AATF: variants seen among roughly 807,000 people sequenced by gnomAD.
AATF encodes apoptosis antagonizing transcription factor, also known as protein AATF.
A neutral mutation model predicts 63.7 loss-of-function variants in AATF; 48 were observed. The observed-to-expected ratio is 0.75, with a 90% CI of 0.60 to 0.96. The LOEUF (loss-of-function observed/expected upper bound fraction) is 0.96. Among genes scored for constraint, AATF ranks in the 40% least tolerant of loss-of-function variants. The pLI is 0.00. For synonymous variants in AATF, 258 were observed against 247.7 expected (o/e 1.04, Z -0.39); for missense variants, 639 against 685.7 (o/e 0.93, Z 0.76).
chr17:37,055,324 T>C (rs1160848919), intron 11 of AATF: 5 of 152,158 alleles, frequency 3.3e-5, no homozygotes, highest in African/African-American at 1.2e-4. Context: ...CCTTAAGATG[T>C]TTTTCTTTTG....
Position 37,031,627 on chromosome 17 carries a change from A to G in AATF, c.1561A>G (p.Ser521Gly), listed in dbSNP as rs779776437. Residue 521 changes from serine to glycine, a missense_variant, in exon 11 of 12, where the codon AGC becomes GGC. Coordinates refer to ENST00000619387, the MANE Select transcript of AATF (RefSeq NM_012138.4). Reference sequence around the variant, plus strand: ...TGCTTTATTTAGGTTTCATGTCCTTAGCAAGCTACTGAGTTTCATGGCACC... The same window carrying G: ...TGCTTTATTTAGGTTTCATGTCCTTGGCAAGCTACTGAGTTTCATGGCACC... ...KGRKLRFHVL[S>G]KLLSFMAPID... 6.2e-7 allele frequency: 1 copy of G among 1,614,160 alleles called. No homozygotes were observed. Among genetic ancestry groups the G allele is most frequent in the Non-Finnish European group, 8.5e-7 (1 of 1,179,986 alleles).
At chr17:37,001,035 C>A (rs1286876700) in intron 8 of AATF, among the ~76,000 whole-genome samples, 1 of 151,956 alleles carries the variant, frequency 6.6e-6, no homozygotes, top group Non-Finnish European at 1.5e-5. Flanking sequence ...GAAGAAATTA[C>A]AGGCTGTGCA....
chr17:37,043,555 G>A (rs560830156), intron 11 of AATF, among the ~76,000 whole-genome samples: 1 of 152,230 alleles, frequency 6.6e-6, no homozygotes, highest in African/African-American at 2.4e-5. Context: ...TGCTAAGTAT[G>A]TTAACTTAAA....
At chr17:37,030,945 T>A (rs1310086631) in intron 10 of AATF, among the ~76,000 whole-genome samples, 1 of 152,246 alleles carries the variant, frequency 6.6e-6, no homozygotes, top group Non-Finnish European at 1.5e-5. Context: ...GTCTTTAGTC[T>A]GGAATAATGT....
At chr17:37,036,186 C>T (rs895484555) in intron 11 of AATF, among the ~76,000 whole-genome samples, 2 of 152,236 alleles carry the variant, frequency 1.3e-5, no homozygotes, top group Non-Finnish European at 2.9e-5. Flanking sequence ...AGTTTACCCA[C>T]ATCTGGAAGT....
rs754797227 is a variant in AATF, at chr17:37,053,736, C to T, written c.1620-2865C>T. On this transcript the variant is annotated intron_variant, in intron 11 of 11. Coordinates refer to ENST00000619387, the MANE Select transcript of AATF (RefSeq NM_012138.4). ...AAAAAATTAGCCGGGCGTGGTGGTGCGCACCTGCAGTCCCAATTACTTGGA... is the reference window on the plus strand; with the variant it reads ...AAAAAATTAGCCGGGCGTGGTGGTGTGCACCTGCAGTCCCAATTACTTGGA... Among the ~76,000 whole-genome samples, 6 of 152,200 alleles carry T rather than the reference C, an allele frequency of 3.9e-5. No individual in the cohort carries two copies. The South Asian group carries it at 6.2e-4, about 16-fold the overall frequency.
Position 36,950,364 on chromosome 17 carries a change from G to A in AATF, c.242G>A (p.Trp81Ter). ...YCGKTTSRKA[W>*]NEDHWEQTLP... is the part of the protein sequence containing the mutation. ...GGCAAAACCACCTCTAGAAAAGCAT[G>A]GAATGAAGACCATTGGGAGCAGACT... The change falls in exon 2 of 12, where the codon TGG (tryptophan) becomes TAG (stop). Residue 81 changes from tryptophan to a stop codon, truncating the protein, a stop_gained. Transcript: ENST00000619387. LOFTEE classifies it high-confidence loss of function. The A allele has an allele frequency of 1.2e-6, 2 of 1,614,186 alleles. No homozygotes were observed. The highest frequency in any genetic ancestry group is 1.3e-5 in the African/African-American group (1 of 75,020).
intron 4 of AATF, among the ~76,000 whole-genome samples, chr17:36,962,565 A>G (rs1339464073): frequency 1.4e-5 from 2 of 145,532 alleles, no homozygotes; most frequent in Non-Finnish European, 3.0e-5. Context: ...ATCAGAAACA[A>G]TTTTTTTTTT....
Position 37,021,020 on chromosome 17 carries a change from T to C in AATF, c.1547+6T>C. The C allele has an allele frequency of 6.2e-7, 1 of 1,607,250 alleles. No individual in the cohort carries two copies. Among genetic ancestry groups the C allele is most frequent in the Non-Finnish European group, 8.5e-7 (1 of 1,176,436 alleles). ...AGCAAAGGCAGGAAACTTCGGTGAGTTACTTTTCGGAAAAAATGTCAACAT... is the reference window on the plus strand; with the variant it reads ...AGCAAAGGCAGGAAACTTCGGTGAGCTACTTTTCGGAAAAAATGTCAACAT... On this transcript the variant is annotated splice_donor_region_variant and intron_variant, in intron 10 of 11. Transcript: ENST00000619387.
In AATF at chr17:36,988,669, A is replaced by G. The variant is rs771644263; in HGVS notation, c.1098A>G (p.Thr366=). Residue 366 remains threonine (T), a synonymous_variant, in exon 6 of 12, where the codon ACA becomes ACG. Coordinates refer to ENST00000619387, the MANE Select transcript of AATF (RefSeq NM_012138.4). ...ACTTTACAGTCTACAGGAACCGCAC[A>G]CTTCAGAAATGGCACGATAAGACCA... ...FADFTVYRNR[T]LQKWHDKTKL... 7 of 1,614,082 alleles carry G rather than the reference A, an allele frequency of 4.3e-6. No homozygotes were observed. Among genetic ancestry groups the G allele is most frequent in the Non-Finnish European group, 5.9e-6 (7 of 1,180,004 alleles).
intron 9 of AATF, among the ~76,000 whole-genome samples, chr17:37,019,519 A>G (rs571078039): frequency 5.5e-4 from 84 of 152,308 alleles, no homozygotes; most frequent in African/African-American, 2.0e-3. Flanking sequence ...CTTCAGCACA[A>G]TTAGAAGTGG....
chr17:36,989,984 A>G (rs1478965510), intron 7 of AATF, among the ~76,000 whole-genome samples: 2 of 121,914 alleles, frequency 1.6e-5, no homozygotes, highest in Non-Finnish European at 4.0e-5. Context: ...TCCTGAGGTG[A>G]AATTTTCAGT....
At position 37,056,823 on chromosome 17, in the gene AATF, GC is replaced by G; in HGVS notation, c.*162del. 1 of 673,490 alleles carries G rather than the reference GC, an allele frequency of 1.5e-6. No individual in the cohort carries two copies. Among genetic ancestry groups the G allele is most frequent in the Non-Finnish European group, 2.5e-6 (1 of 405,052 alleles). The allele number at this position is 673,490 out of a possible 1,614,324, so 41.7% of individuals were successfully genotyped here. ...CTAATACACGCAAGGGCGCTGTCCC[GC>G]CCAACCCCGCCTTTAAACGCCACAA... On this transcript the variant is annotated 3_prime_UTR_variant, in exon 12 of 12. Coordinates refer to ENST00000619387, the MANE Select transcript of AATF (RefSeq NM_012138.4).
chr17:37,033,846 A>G (rs1352894040), intron 11 of AATF: 1 of 154,660 alleles, frequency 6.5e-6, no homozygotes, highest in Non-Finnish European at 1.5e-5. Flanking sequence ...AGAAGAGGAA[A>G]GAACTGTGCC....
Position 36,989,389 on chromosome 17 carries a change from C to T in AATF, c.1292C>T (p.Pro431Leu), listed in dbSNP as rs765125815. The change falls in exon 7 of 12, where the codon CCA becomes CTA. Residue 431 changes from proline (P) to leucine (L), a missense_variant. Pro to Leu is a moderately conservative substitution (Grantham distance 98). Transcript: ENST00000619387. ...CCTGAGCCAGCAGCTCAGCCTGTCC[C>T]AGAGAGTTTGCCAGGGGAACCGGTA... ...GKPEPAAQPV[P>L]ESLPGEPEIL... 2.2e-5 allele frequency: 36 copies of T among 1,612,860 alleles called. No homozygotes were observed. In the East Asian group the frequency reaches 7.8e-4, roughly 35 times the overall value.
chr17:36,953,309 T>A lies in AATF; in HGVS notation c.694+13T>A. 6.3e-7 allele frequency: 1 copy of A among 1,595,212 alleles called. No homozygotes were observed. Among genetic ancestry groups the A allele is most frequent in the South Asian group, 1.1e-5 (1 of 89,828 alleles). ...AAGAACCAGATAGGTTTGTACATGG[T>A]TTTGCTGATTGCCTGTTTTTCAAAG... On this transcript the variant is annotated intron_variant, in intron 3 of 11. Coordinates refer to ENST00000619387, the MANE Select transcript of AATF (RefSeq NM_012138.4).
At chr17:37,021,264 A>C in intron 10 of AATF, 1 of 377,608 alleles carries the variant, frequency 2.6e-6, no homozygotes, top group Non-Finnish European at 4.7e-6. Flanking sequence ...TTGAAAGAGA[A>C]AAAATAAGAA....
At chr17:36,969,520 C>T (rs534258741) in intron 4 of AATF, among the ~76,000 whole-genome samples, 1 of 152,304 alleles carries the variant, frequency 6.6e-6, no homozygotes, top group South Asian at 2.1e-4. Flanking sequence ...TGGGCACTGC[C>T]AGTTCCTGAG....
intron 11 of AATF, among the ~76,000 whole-genome samples, chr17:37,046,436 C>A (rs569297562): frequency 2.0e-5 from 3 of 151,942 alleles, no homozygotes; most frequent in African/African-American, 7.3e-5. Context: ...GGGAGACTTC[C>A]GGGTAGGGCA....
Sources: gnomAD v4.1 joint callset for allele counts (sites outside exome capture counted in the v4.1 genomes callset) on GRCh38, gnomAD v4.1.1 for gene constraint, MANE v1.5 for transcripts, NCBI Gene and HGNC (gene_info 2026-07-23, HGNC 2026-07-21) for gene names.